Variants in CDON observed in about 807,000 individuals in gnomAD.
The protein encoded by CDON is cell adhesion molecule-related/down-regulated by oncogenes.
A neutral mutation model predicts 120.9 loss-of-function variants in CDON; 73 were observed. The ratio of observed to expected loss-of-function variants is 0.60; its 90% confidence interval spans 0.50 to 0.73. CDON has a LOEUF of 0.73. Among genes scored for constraint, CDON ranks in the 30% least tolerant of loss-of-function variants. CDON has a pLI of 0.00. For missense variants in CDON, 1,470 were observed against 1,587.3 expected (o/e 0.93, Z 1.26); for synonymous variants, 566 against 573.5 (o/e 0.99, Z 0.19).
rs1410609610 is a variant in CDON, at chr11:125,956,987, G to C, written c.*3955C>G. ...CTTTGCTGGCTTTCTGGTCAGACAA[G>C]CCTAGAGATGTGTATTTTCTTAGGG... On this transcript the variant is annotated 3_prime_UTR_variant, in exon 20 of 20. Coordinates refer to ENST00000531738, the MANE Select transcript of CDON (RefSeq NM_001378964.1). 1 of 422,554 alleles carries C rather than the reference G, an allele frequency of 2.4e-6. No individual in the cohort carries two copies. Among genetic ancestry groups the C allele is most frequent in the Non-Finnish European group, 3.2e-6 (1 of 315,950 alleles). 26.2% of individuals were successfully genotyped at this position (422,554 alleles called of 1,614,324 possible).
At chr11:125,967,012 T>A (rs1945819775) in intron 18 of CDON, among the ~76,000 whole-genome samples, 1 of 146,024 alleles carries the variant, frequency 6.8e-6, no homozygotes, top group African/African-American at 2.6e-5. Flanking sequence ...GGAAAATGAC[T>A]AGCAACAGAT....
At chr11:126,027,069 A>G (rs1947810838) in intron 1 of CDON, among the ~76,000 whole-genome samples, 1 of 152,146 alleles carries the variant, frequency 6.6e-6, no homozygotes, top group African/African-American at 2.4e-5. Flanking sequence ...CTATCTTTCT[A>G]TTGGGTTACT....
intron 10 of CDON, 89 bp from the exon 11 acceptor site, chr11:126,001,939 G>A (rs1946959196): frequency 4.2e-6 from 4 of 950,232 alleles, no homozygotes; most frequent in Non-Finnish European, 6.9e-6. Context: ...TACCTGGTAT[G>A]TGGTTATAAA....
intron 1 of CDON, among the ~76,000 whole-genome samples, chr11:126,041,849 G>A (rs1206776724): frequency 6.6e-6 from 1 of 152,144 alleles, no homozygotes; most frequent in Non-Finnish European, 1.5e-5. Flanking sequence ...GCTTGCATGT[G>A]AGTTGTTCCC....
rs780575399 is a variant in CDON, at chr11:125,981,127, A to ATTTAGGCTCCCATTCAAT, written c.3197_3198insATTGAATGGGAGCCTAAA (p.Leu1065_Asn1066insLysLeuAsnGlySerLeu). The ATTTAGGCTCCCATTCAAT allele has an allele frequency of 2.2e-5, 36 of 1,614,084 alleles. No homozygotes were observed. The highest frequency in any genetic ancestry group is 1.5e-5 in the Non-Finnish European group (18 of 1,180,034). ...TGCTGTGCCCGGAGTAAAGCCCTCC[A>ATTTAGGCTCCCATTCAAT]TTTAGGCTCCCATTCACAATTCCAT... On this transcript the variant is annotated inframe_insertion, in exon 17 of 20. Coordinates refer to ENST00000531738, the MANE Select transcript of CDON (RefSeq NM_001378964.1).
intron 18 of CDON, among the ~76,000 whole-genome samples, chr11:125,964,607 C>CA (rs11458667): frequency 0.089 from 11,262 of 127,020 alleles, 535 homozygotes; most frequent in East Asian, 0.16. Context: ...GGAGACAGAC[C>CA]AAAAAAAAAA....
chr11:125,977,878 T>C (rs1591557244), intron 18 of CDON, among the ~76,000 whole-genome samples: 1 of 151,804 alleles, frequency 6.6e-6, no homozygotes, highest in Non-Finnish European at 1.5e-5. Flanking sequence ...TTCAGTAACA[T>C]TACTGTGAAA....
chr11:126,014,017 G>GATCC (rs1028233206), intron 7 of CDON, among the ~76,000 whole-genome samples: 1 of 151,506 alleles, frequency 6.6e-6, no homozygotes. Flanking sequence ...TTCTTTTTTT[G>GATCC]ATCCAACTAT....
intron 16 of CDON, among the ~76,000 whole-genome samples, chr11:125,982,559 T>C (rs1295482749): frequency 6.6e-6 from 1 of 152,168 alleles, no homozygotes; most frequent in East Asian, 1.9e-4. Context: ...AGCTACACAC[T>C]TTGAGAGGGC....
At chr11:126,010,942 T>C in intron 7 of CDON, 1 of 544,030 alleles carries the variant, frequency 1.8e-6, no homozygotes, top group Non-Finnish European at 3.5e-6. Flanking sequence ...GGAATATATA[T>C]AAAGAAATCT....
At chr11:126,054,177 T>C (rs1036921889) in intron 1 of CDON, among the ~76,000 whole-genome samples, 1 of 152,188 alleles carries the variant, frequency 6.6e-6, no homozygotes, top group African/African-American at 2.4e-5. Context: ...TTACTTTTAT[T>C]CTGATACTGT....
At chr11:125,970,971 G>T (rs1945964882) in intron 18 of CDON, among the ~76,000 whole-genome samples, 1 of 152,172 alleles carries the variant, frequency 6.6e-6, no homozygotes, top group South Asian at 2.1e-4. Context: ...ACCATAGATG[G>T]AAGAGAAGCT....
At chr11:125,983,600 G>T (rs1351796566) in intron 16 of CDON, among the ~76,000 whole-genome samples, 24 of 152,140 alleles carry the variant, frequency 1.6e-4, no homozygotes, top group Non-Finnish European at 1.5e-5. Context: ...AACAAAGCCG[G>T]AGTTTCCCAG....
chr11:126,040,558 A>G (rs542242932), intron 1 of CDON, among the ~76,000 whole-genome samples: 59 of 151,740 alleles, frequency 3.9e-4, no homozygotes, highest in East Asian at 1.2e-3. Context: ...GCTCACGCCT[A>G]TAATCCCAGC....
intron 1 of CDON, among the ~76,000 whole-genome samples, chr11:126,042,838 G>A (rs1042380777): frequency 2.6e-5 from 4 of 152,104 alleles, no homozygotes; most frequent in African/African-American, 7.2e-5. Context: ...GCGAAGGCTG[G>A]TCTCGAACTC....
chr11:126,024,901 G>A lies in CDON; in HGVS notation c.-61-1364C>T, dbSNP rs559694951. Among the ~76,000 whole-genome samples, 9 of 152,226 alleles carry A rather than the reference G, an allele frequency of 5.9e-5. No homozygotes were observed. In the East Asian group the frequency reaches 1.4e-3, roughly 23 times the overall value. The stretch of plus-strand genomic sequence containing the variant: ...ACAGAAAGAAATCTATTTGTTCAGG[G>A]AGAATATAAGAAATATTTCTAGGCT... On this transcript the variant is annotated intron_variant, in intron 1 of 19. Transcript: ENST00000531738.
intron 7 of CDON, chr11:126,014,815 A>C (rs1053678263): frequency 6.3e-6 from 1 of 159,652 alleles, no homozygotes; most frequent in African/African-American, 2.4e-5. Flanking sequence ...ACCACTATTT[A>C]GGTAAAAAAA....
At chr11:126,052,835 A>AG in intron 1 of CDON, among the ~76,000 whole-genome samples, 1 of 152,210 alleles carries the variant, frequency 6.6e-6, no homozygotes, top group East Asian at 1.9e-4. Flanking sequence ...AAAAAAAAAA[A>AG]AAATTAAAAA....
At position 125,997,358 on chromosome 11, in the gene CDON, G is replaced by A. The variant is rs1484508740; in HGVS notation, c.2211C>T (p.Val737=). 6.2e-6 allele frequency: 10 copies of A among 1,613,880 alleles called. No homozygotes were observed. Among genetic ancestry groups the A allele is most frequent in the Non-Finnish European group, 8.5e-6 (10 of 1,179,820 alleles). ...TTGCCCGAGGAATCCAAGTGACATAGACTGATGTCTCTGATGCAGTGGAGA... is the reference window on the plus strand; with the variant it reads ...TTGCCCGAGGAATCCAAGTGACATAAACTGATGTCTCTGATGCAGTGGAGA... The part of the protein sequence containing the change: ...PTISTASETS[V]YVTWIPRANG... The change falls in exon 12 of 20, where the codon GTC becomes GTT. Residue 737 remains valine (V), a synonymous_variant. Coordinates refer to ENST00000531738, the MANE Select transcript of CDON (RefSeq NM_001378964.1).
Sources: allele counts gnomAD v4.1 joint callset (sites outside exome capture counted in the v4.1 genomes callset), GRCh38; gene constraint gnomAD v4.1.1; transcripts MANE v1.5; gene names NCBI Gene and HGNC (gene_info 2026-07-23, HGNC 2026-07-21).